Variants in FOXP1 observed in about 807,000 individuals in gnomAD.
FOXP1 encodes forkhead box protein P1.
Under a neutral mutation model 98.2 loss-of-function variants are expected in FOXP1, and 15 were observed. That is an observed-to-expected ratio of 0.15 (90% confidence interval 0.10 to 0.24). The LOEUF is 0.24. FOXP1 is among the 10% of genes least tolerant of loss of function. FOXP1 has a pLI of 1.00. For synonymous variants in FOXP1, 371 were observed against 314.5 expected, an observed-to-expected ratio of 1.18 and a Z score of -1.90; for missense variants, 633 against 848.5, an observed-to-expected ratio of 0.75 and a Z score of 3.15.
intron 7 of FOXP1, among the ~76,000 whole-genome samples, chr3:71,104,632 T>A (rs116567740): frequency 1.3e-5 from 2 of 152,066 alleles, no homozygotes; most frequent in African/African-American, 2.4e-5. Context: ...GTTCTGCATA[T>A]GGAAACAATA....
chr3:70,967,687 G>GTTTTTTTTTTTTTTTTTTTTTT (rs67711426), intron 19 of FOXP1, among the ~76,000 whole-genome samples: 12 of 61,354 alleles, frequency 2.0e-4, no homozygotes, highest in Non-Finnish European at 3.6e-4. Context: ...ACTATTATTT[G>GTTTTTTTTTTTTTTTTTTTTTT]TTTTTTTTTT....
intron 11 of FOXP1, among the ~76,000 whole-genome samples, chr3:71,030,936 G>A (rs2046786788): frequency 6.6e-6 from 1 of 152,080 alleles, no homozygotes; most frequent in African/African-American, 2.4e-5. Context: ...GTACCACAAT[G>A]TTTCTATCAA....
At chr3:71,427,409 G>C (rs1463808784) in intron 3 of FOXP1, among the ~76,000 whole-genome samples, 2 of 152,180 alleles carry the variant, frequency 1.3e-5, no homozygotes, top group African/African-American at 2.4e-5. Flanking sequence ...TGCAGCGAAG[G>C]GCATGTAAAG....
chr3:71,373,475 G>C (rs2079490851), intron 3 of FOXP1, among the ~76,000 whole-genome samples: 1 of 152,120 alleles, frequency 6.6e-6, no homozygotes, highest in South Asian at 2.1e-4. Context: ...CCAAAGCATT[G>C]GTTAGAAGTT....
rs761642049 is a variant in FOXP1, at chr3:70,996,835, T to C, written c.1062+4137A>G. Among the ~76,000 whole-genome samples, 28 of 152,334 alleles carry C rather than the reference T, an allele frequency of 1.8e-4. No individual in the cohort carries two copies. The Middle Eastern group carries it at 0.027, about 148-fold the overall frequency. ...ACATGTGTGGTCTATCTCTACCACA[T>C]GTGAACACTTACGTACCATGCTGAA... On this transcript the variant is annotated intron_variant, in intron 13 of 20. Transcript: ENST00000649528.
intron 6 of FOXP1, among the ~76,000 whole-genome samples, chr3:71,147,417 T>C (rs2060362539): frequency 1.3e-5 from 2 of 152,154 alleles, no homozygotes; most frequent in Non-Finnish European, 2.9e-5. Flanking sequence ...CATGATCCCC[T>C]TCCCTCTCAG....
chr3:71,034,265 G>C (rs974807409), intron 11 of FOXP1, among the ~76,000 whole-genome samples: 3 of 152,150 alleles, frequency 2.0e-5, no homozygotes, highest in African/African-American at 7.2e-5. Context: ...GACTTGATCC[G>C]GAGCTTAACC....
At chr3:70,962,120 A>G (rs759075402) in intron 20 of FOXP1, among the ~76,000 whole-genome samples, 2 of 152,180 alleles carry the variant, frequency 1.3e-5, no homozygotes, top group Non-Finnish European at 2.9e-5. Flanking sequence ...TTGAGGTCAT[A>G]TTTTTAAATA....
chr3:71,331,163 G>T (rs1010917797), intron 4 of FOXP1, among the ~76,000 whole-genome samples: 2 of 152,216 alleles, frequency 1.3e-5, no homozygotes, highest in African/African-American at 4.8e-5. Flanking sequence ...CTGGGGCTGC[G>T]CAGGGTGCTT....
intron 6 of FOXP1, among the ~76,000 whole-genome samples, chr3:71,128,549 C>T (rs2059374050): frequency 6.6e-6 from 1 of 152,094 alleles, no homozygotes; most frequent in Non-Finnish European, 1.5e-5. Context: ...TGATAAATTA[C>T]GTTGTACCCT....
chr3:71,183,245 G>A (rs147894199), intron 6 of FOXP1, among the ~76,000 whole-genome samples: 3,554 of 152,216 alleles, frequency 0.023, 70 homozygotes, highest in Non-Finnish European at 0.033. Flanking sequence ...TGTAATCCCA[G>A]CACTTTGGGA....
At chr3:71,465,332 AGAAG>A in intron 3 of FOXP1, among the ~76,000 whole-genome samples, 1 of 150,344 alleles carries the variant, frequency 6.7e-6, no homozygotes, top group African/African-American at 2.5e-5. Flanking sequence ...AAAAAGAAGA[AGAAG>A]AAGAAGAAGA....
intron 6 of FOXP1, among the ~76,000 whole-genome samples, chr3:71,170,868 C>T (rs995667622): frequency 6.6e-6 from 1 of 152,180 alleles, no homozygotes; most frequent in African/African-American, 2.4e-5. Context: ...TCTCTGAGCT[C>T]CAGCCACAAT....
intron 7 of FOXP1, among the ~76,000 whole-genome samples, chr3:71,107,065 G>A (rs2057499374): frequency 6.6e-6 from 1 of 152,098 alleles, no homozygotes; most frequent in Non-Finnish European, 1.5e-5. Context: ...CACTGTACCT[G>A]GGGATACCTT....
At chr3:71,355,960 C>T (rs1272845058) in intron 4 of FOXP1, among the ~76,000 whole-genome samples, 1 of 151,990 alleles carries the variant, frequency 6.6e-6, no homozygotes, top group African/African-American at 2.4e-5. Context: ...TTGCCACGGA[C>T]CTGTGGCAGC....
Position 70,955,010 on chromosome 3 carries a change from C to T in FOXP1, c.*4237G>A, listed in dbSNP as rs2031436091. The T allele has an allele frequency of 8.6e-6, 2 of 232,076 alleles. No individual in the cohort carries two copies. Among genetic ancestry groups the T allele is most frequent in the South Asian group, 1.8e-4 (1 of 5,510 alleles). 14.4% of individuals were successfully genotyped at this position (232,076 alleles called of 1,614,324 possible). A position where few individuals can be genotyped will look rare whatever the true frequency, so the allele number is the denominator to read the frequency against. On this transcript the variant is annotated 3_prime_UTR_variant, in exon 21 of 21. Transcript: ENST00000649528. ...AGAGATTGCGTGAGCTACACTGGGC[C>T]CAAGAAATGCCTTCAGCATTGTAAA...
intron 5 of FOXP1, among the ~76,000 whole-genome samples, chr3:71,199,397 G>T (rs1304702119): frequency 1.3e-5 from 2 of 151,928 alleles, no homozygotes; most frequent in African/African-American, 4.8e-5. Flanking sequence ...CGTGAGCCAT[G>T]GCACCTGGCC....
intron 6 of FOXP1, among the ~76,000 whole-genome samples, chr3:71,133,552 T>C (rs752921355): frequency 3.3e-5 from 5 of 152,184 alleles, no homozygotes; most frequent in Non-Finnish European, 7.3e-5. Context: ...CCCGTGGCCA[T>C]TGTAGAGACC....
intron 4 of FOXP1, among the ~76,000 whole-genome samples, chr3:71,325,668 TA>T (rs2075648634): frequency 1.3e-5 from 2 of 151,558 alleles, no homozygotes; most frequent in Non-Finnish European, 2.9e-5. Context: ...TTATTATTAT[TA>T]TTATTATTAT....
Sources: gnomAD v4.1 joint callset for allele counts (sites outside exome capture counted in the v4.1 genomes callset) on GRCh38, gnomAD v4.1.1 for gene constraint, MANE v1.5 for transcripts, NCBI Gene and HGNC (gene_info 2026-07-23, HGNC 2026-07-21) for gene names.